RAB3B: variants seen among roughly 807,000 people sequenced by gnomAD.
The protein encoded by RAB3B is RAB3B, member RAS oncogene family.
In RAB3B, 11 loss-of-function variants were observed where a neutral mutation model predicts 20.5. That is an observed-to-expected ratio of 0.54 (90% CI 0.34 to 0.89). The LOEUF (loss-of-function observed/expected upper bound fraction) is 0.89. RAB3B is among the 40% of genes least tolerant of loss of function. The probability of loss-of-function intolerance (pLI) is 0.02; values close to 1 mark genes in which losing one functional copy is unlikely to be tolerated. For missense variants in RAB3B, 225 were observed against 280.9 expected (o/e 0.80, Z 1.42); for synonymous variants, 99 against 106.3 (o/e 0.93, Z 0.42).
chr1:51,971,976 T>C (rs1176145136), intron 2 of RAB3B, among the ~76,000 whole-genome samples: 1 of 151,898 alleles, frequency 6.6e-6, no homozygotes, highest in African/African-American at 2.4e-5. Context: ...AGGTCAGAAG[T>C]TCAAGACAAG....
chr1:51,932,897 G>C (rs1684345939), intron 4 of RAB3B, among the ~76,000 whole-genome samples: 1 of 152,090 alleles, frequency 6.6e-6, no homozygotes, highest in Non-Finnish European at 1.5e-5. Flanking sequence ...AGGTGTCCAA[G>C]AACTTAATAC....
intron 1 of RAB3B, among the ~76,000 whole-genome samples, chr1:51,986,141 T>C (rs1257518680): frequency 3.0e-5 from 4 of 134,694 alleles, no homozygotes; most frequent in Non-Finnish European, 6.1e-5. Flanking sequence ...ATTCCATTTC[T>C]ACGAATTTTT....
At chr1:51,990,078 C>T (rs1347869353) in intron 1 of RAB3B, among the ~76,000 whole-genome samples, 1 of 140,432 alleles carries the variant, frequency 7.1e-6, no homozygotes, top group African/African-American at 2.7e-5. Context: ...GTCCCCTCCC[C>T]TCAGCTCCTC....
chr1:51,984,598 C>G (rs1393528843), intron 1 of RAB3B, among the ~76,000 whole-genome samples: 1 of 151,668 alleles, frequency 6.6e-6, no homozygotes, highest in Non-Finnish European at 1.5e-5. Flanking sequence ...CCATGTTGGC[C>G]CAGCCAGATC....
rs1040149154 is a variant in RAB3B at position 51,919,859 on chromosome 1, T to C, written c.*68A>G. ...GGGAGAGTGGGCTGAGAGCGGACAG[T>C]GTGTAACAGGGAGAAGCAGACTGGG... is the stretch of plus-strand genomic sequence containing the variant. On this transcript the variant is annotated 3_prime_UTR_variant, in exon 5 of 5. Transcript: ENST00000371655. 1.2e-4 allele frequency: 168 copies of C among 1,460,302 alleles called. No individual in the cohort carries two copies. Among genetic ancestry groups the C allele is most frequent in the Non-Finnish European group, 1.5e-4 (164 of 1,068,962 alleles). The allele number at this position is 1,460,302 out of a possible 1,614,324, so 90.5% of individuals were successfully genotyped here. A position where few individuals can be genotyped will look rare whatever the true frequency, so the allele number is the denominator to read the frequency against.
Position 51,914,863 on chromosome 1 carries a change from T to C in RAB3B, c.*5064A>G, listed in dbSNP as rs1375769980. ...TCAGGATACTCCAGAAAACTCGATA[T>C]CCAAGCAAGGAGCTTAGTGGCCGGC... is the stretch of plus-strand genomic sequence containing the variant. On this transcript the variant is annotated 3_prime_UTR_variant, in exon 5 of 5. Coordinates refer to ENST00000371655, the MANE Select transcript of RAB3B (RefSeq NM_002867.4). 6.6e-6 allele frequency: 1 copy of C among 152,128 alleles called. No homozygotes were observed. The highest frequency in any genetic ancestry group is 1.9e-4 in the East Asian group (1 of 5,192). 9.4% of individuals were successfully genotyped at this position (152,128 alleles called of 1,614,324 possible).
At chr1:51,955,530 T>C (rs1449769344) in intron 2 of RAB3B, among the ~76,000 whole-genome samples, 3 of 152,140 alleles carry the variant, frequency 2.0e-5, no homozygotes, top group Non-Finnish European at 2.9e-5. Context: ...TAGCTGCGAT[T>C]ACAGGTATGT....
intron 2 of RAB3B, among the ~76,000 whole-genome samples, chr1:51,959,694 G>A (rs1436424760): frequency 6.6e-6 from 1 of 152,172 alleles, no homozygotes; most frequent in Admixed American, 6.5e-5. Context: ...CAGAAAAGGA[G>A]TAGTAGGTAA....
intron 2 of RAB3B, among the ~76,000 whole-genome samples, chr1:51,962,328 T>TG (rs563565869): frequency 1.3e-5 from 2 of 152,108 alleles, no homozygotes; most frequent in Non-Finnish European, 2.9e-5. Flanking sequence ...CATTTACAGG[T>TG]GAAGGTCTAA....
intron 2 of RAB3B, among the ~76,000 whole-genome samples, chr1:51,954,866 T>C (rs1383520738): frequency 6.6e-6 from 1 of 152,196 alleles, no homozygotes; most frequent in Non-Finnish European, 1.5e-5. Flanking sequence ...GTACTTAAAA[T>C]AGTAGACAGG....
chr1:51,936,220 G>A (rs989376532), intron 3 of RAB3B, among the ~76,000 whole-genome samples: 4 of 152,160 alleles, frequency 2.6e-5, no homozygotes, highest in African/African-American at 9.7e-5. Flanking sequence ...TCTGAGCAGG[G>A]ACACTGGGTC....
At chr1:51,930,607 C>T (rs1557963916) in intron 4 of RAB3B, among the ~76,000 whole-genome samples, 1 of 152,156 alleles carries the variant, frequency 6.6e-6, no homozygotes, top group African/African-American at 2.4e-5. Context: ...AAGAACATAT[C>T]TTGGAGGGTT....
At chr1:51,920,335 C>A (rs1027828730) in intron 4 of RAB3B, among the ~76,000 whole-genome samples, 1 of 152,192 alleles carries the variant, frequency 6.6e-6, no homozygotes, top group Non-Finnish European at 1.5e-5. Context: ...TCTACCACCG[C>A]CCAGCTGTTT....
At chr1:51,941,154 C>T (rs570553835) in intron 2 of RAB3B, among the ~76,000 whole-genome samples, 1 of 151,974 alleles carries the variant, frequency 6.6e-6, no homozygotes, top group East Asian at 1.9e-4. Context: ...TTTCCTTTTC[C>T]AAGCAGAAAA....
At position 51,914,441 on chromosome 1, in the gene RAB3B, T is replaced by A. The variant is rs539775703; in HGVS notation, c.*5486A>T. 6.6e-6 allele frequency: 1 copy of A among 152,304 alleles called. No homozygotes were observed. Among genetic ancestry groups the A allele is most frequent in the East Asian group, 1.9e-4 (1 of 5,186 alleles). 9.4% of individuals were successfully genotyped at this position (152,304 alleles called of 1,614,324 possible). A position where few individuals can be genotyped will look rare whatever the true frequency, so the allele number is the denominator to read the frequency against. Reference sequence around the variant, plus strand: ...TCCTTTAGAGTACTTTGTAATTATATTTGGGTGATGATTTGACAATGTCTA... The same window carrying A: ...TCCTTTAGAGTACTTTGTAATTATAATTGGGTGATGATTTGACAATGTCTA... On this transcript the variant is annotated 3_prime_UTR_variant, in exon 5 of 5. Coordinates refer to ENST00000371655, the MANE Select transcript of RAB3B (RefSeq NM_002867.4).
At chr1:51,972,166 C>G (rs998438814) in intron 2 of RAB3B, among the ~76,000 whole-genome samples, 1 of 152,034 alleles carries the variant, frequency 6.6e-6, no homozygotes, top group Non-Finnish European at 1.5e-5. Flanking sequence ...CCGAGCGAGA[C>G]TCTATCTCAA....
intron 2 of RAB3B, among the ~76,000 whole-genome samples, chr1:51,950,588 C>T (rs1276223306): frequency 2.9e-5 from 1 of 34,802 alleles, no homozygotes; most frequent in South Asian, 1.7e-3. Context: ...TGGGCACTTT[C>T]CATGTCATAG....
chr1:51,908,710 G>C lies in RAB3B; in HGVS notation c.*11217C>G, dbSNP rs1365514637. 6.6e-6 allele frequency: 1 copy of C among 151,196 alleles called. No individual in the cohort carries two copies. The highest frequency in any genetic ancestry group is 2.5e-5 in the African/African-American group (1 of 40,684). 9.4% of individuals were successfully genotyped at this position (151,196 alleles called of 1,614,324 possible). A position where few individuals can be genotyped will look rare whatever the true frequency, so the allele number is the denominator to read the frequency against. On this transcript the variant is annotated 3_prime_UTR_variant, in exon 5 of 5. Coordinates refer to ENST00000371655, the MANE Select transcript of RAB3B (RefSeq NM_002867.4). ...CCTCTATCACCCCCAGATAGGTGAA[G>C]TTCAGAATTAGGACTGCCCACTGCG...
At position 51,937,323 on chromosome 1, in the gene RAB3B, A is replaced by G. The variant is rs1263228155; in HGVS notation, c.318T>C (p.Asn106=). Reference sequence around the variant, plus strand: ...CTTGGACAGCATTGAAGGACTCTTCATTGGTGATGTCATACATCAGAATGA... The same window carrying G: ...CTTGGACAGCATTGAAGGACTCTTCGTTGGTGATGTCATACATCAGAATGA... ...MGFILMYDIT[N]EESFNAVQDW... Residue 106 remains asparagine (N), a synonymous_variant, in exon 3 of 5, where the codon AAT becomes AAC. Coordinates refer to ENST00000371655, the MANE Select transcript of RAB3B (RefSeq NM_002867.4). 1.2e-6 allele frequency: 2 copies of G among 1,612,504 alleles called. No individual in the cohort carries two copies. The highest frequency in any genetic ancestry group is 1.7e-6 in the Non-Finnish European group (2 of 1,179,006).
Sources: allele counts gnomAD v4.1 joint callset (sites outside exome capture counted in the v4.1 genomes callset), GRCh38; gene constraint gnomAD v4.1.1; transcripts MANE v1.5; gene names NCBI Gene and HGNC (gene_info 2026-07-23, HGNC 2026-07-21).